The following EDIL3 variants were observed in gnomAD, a reference collection of about 807,000 sequenced individuals.
EDIL3 encodes EGF like and discoidin domains 3.
EDIL3 carries 37 observed loss-of-function variants against 67.4 expected under a neutral mutation model. That is an observed-to-expected ratio of 0.55 (90% confidence interval 0.42 to 0.72). The LOEUF is 0.72. Among genes scored for constraint, EDIL3 ranks in the 30% least tolerant of loss-of-function variants. The pLI, the probability that EDIL3 is intolerant of heterozygous loss-of-function variation, is 0.00. For missense variants in EDIL3, 527 were observed against 586.3 expected (o/e 0.90, Z 1.04); for synonymous variants, 195 against 196.3 (o/e 0.99, Z 0.05).
At chr5:84,360,090 T>G (rs1207262771) in intron 1 of EDIL3, among the ~76,000 whole-genome samples, 2 of 152,310 alleles carry the variant, frequency 1.3e-5, no homozygotes, top group South Asian at 2.1e-4. Flanking sequence ...ACTTAAAGAT[T>G]AAACTACTAC....
intron 1 of EDIL3, among the ~76,000 whole-genome samples, chr5:84,273,486 G>A (rs114774251): frequency 9.0e-4 from 137 of 152,242 alleles, no homozygotes; most frequent in Middle Eastern, 6.8e-3. Context: ...TAATAACAGC[G>A]TCTGCCTGAT....
At chr5:84,166,513 C>T (rs1748706682) in intron 4 of EDIL3, among the ~76,000 whole-genome samples, 1 of 152,104 alleles carries the variant, frequency 6.6e-6, no homozygotes, top group Non-Finnish European at 1.5e-5. Context: ...TTATCAAGCA[C>T]CTATGATGAG....
chr5:83,990,452 A>C, intron 9 of EDIL3, among the ~76,000 whole-genome samples: 1 of 147,574 alleles, frequency 6.8e-6, no homozygotes, highest in Middle Eastern at 3.7e-3. Flanking sequence ...GGGCCACTGC[A>C]CTCCAGTCTG....
At chr5:84,336,308 T>G (rs1175024326) in intron 1 of EDIL3, among the ~76,000 whole-genome samples, 1 of 152,058 alleles carries the variant, frequency 6.6e-6, no homozygotes, top group Admixed American at 6.6e-5. Context: ...ACTGCAAAGG[T>G]AAATGTGGAT....
At chr5:84,245,966 T>A (rs1744902952) in intron 2 of EDIL3, among the ~76,000 whole-genome samples, 1 of 151,978 alleles carries the variant, frequency 6.6e-6, no homozygotes, top group South Asian at 2.1e-4. Context: ...TTTACCTTTT[T>A]ACTCCTTATA....
chr5:84,001,490 T>C (rs902184409), intron 9 of EDIL3, among the ~76,000 whole-genome samples: 25 of 151,458 alleles, frequency 1.7e-4, no homozygotes, highest in African/African-American at 5.3e-4. Flanking sequence ...AAAAAATCAA[T>C]GAAACAAAAA....
Position 84,279,951 on chromosome 5 carries a change from A to G in EDIL3, c.68-25739T>C, listed in dbSNP as rs1341647296. 2.6e-5 allele frequency among the ~76,000 whole-genome samples: 4 copies of G among 152,162 alleles called. No individual in the cohort carries two copies. In the East Asian group the frequency reaches 7.7e-4, roughly 29 times the overall value. On this transcript the variant is annotated intron_variant, in intron 1 of 10. Transcript: ENST00000296591. ...GCCGCTATTTAATGTACCACTGCTC[A>G]TGAATTGATGCTGTCCAGTTTTCAC... is the stretch of plus-strand genomic sequence containing the variant.
chr5:84,232,703 G>T (rs1200743964), intron 2 of EDIL3, among the ~76,000 whole-genome samples: 2 of 152,092 alleles, frequency 1.3e-5, no homozygotes, highest in African/African-American at 2.4e-5. Flanking sequence ...CTTGATATGG[G>T]TAGATGTCAT....
At chr5:84,048,376 T>G in intron 9 of EDIL3, 1 of 269,620 alleles carries the variant, frequency 3.7e-6, no homozygotes, top group Non-Finnish European at 7.6e-6. Flanking sequence ...TGGACTAAAT[T>G]AAATAAGGCT....
intron 9 of EDIL3, among the ~76,000 whole-genome samples, chr5:84,050,888 C>T (rs557125459): frequency 9.2e-5 from 14 of 152,220 alleles, no homozygotes; most frequent in Non-Finnish European, 1.5e-5. Context: ...CCTCTGGGGG[C>T]AGGGCATAGC....
chr5:84,208,002 C>T (rs1449049224), intron 3 of EDIL3, among the ~76,000 whole-genome samples: 1 of 151,742 alleles, frequency 6.6e-6, no homozygotes, highest in Non-Finnish European at 1.5e-5. Context: ...GACTTCATGT[C>T]TAAAACACCA....
chr5:84,073,113 A>C (rs1049537592), intron 6 of EDIL3, among the ~76,000 whole-genome samples: 17 of 152,218 alleles, frequency 1.1e-4, no homozygotes, highest in Non-Finnish European at 2.4e-4. Context: ...TTATCTCAAT[A>C]GATGCAGAAA....
At chr5:84,091,034 T>C (rs1317308784) in intron 6 of EDIL3, among the ~76,000 whole-genome samples, 1 of 152,016 alleles carries the variant, frequency 6.6e-6, no homozygotes. Context: ...AATCCAAGAC[T>C]GCCCCACAGT....
intron 2 of EDIL3, among the ~76,000 whole-genome samples, chr5:84,232,521 A>G (rs754002806): frequency 1.3e-5 from 2 of 152,204 alleles, no homozygotes; most frequent in Non-Finnish European, 2.9e-5. Flanking sequence ...AGTAAGAGTC[A>G]TAGTAATCAG....
At chr5:84,177,123 C>CA (rs1188748987) in intron 4 of EDIL3, among the ~76,000 whole-genome samples, 1 of 152,086 alleles carries the variant, frequency 6.6e-6, no homozygotes, top group Non-Finnish European at 1.5e-5. Context: ...TATGTCCACA[C>CA]AAAAACCTGC....
intron 1 of EDIL3, among the ~76,000 whole-genome samples, chr5:84,382,479 C>G (rs1748101330): frequency 6.6e-6 from 1 of 152,248 alleles, no homozygotes; most frequent in African/African-American, 2.4e-5. Flanking sequence ...TACCCCGCGC[C>G]GCCCTCCACC....
At chr5:84,093,054 C>T (rs1747195196) in intron 6 of EDIL3, among the ~76,000 whole-genome samples, 1 of 152,136 alleles carries the variant, frequency 6.6e-6, no homozygotes, top group Non-Finnish European at 1.5e-5. Context: ...ACATGTGGTA[C>T]CAATGGATCA....
At chr5:84,235,203 C>G (rs1744656623) in intron 2 of EDIL3, among the ~76,000 whole-genome samples, 1 of 152,110 alleles carries the variant, frequency 6.6e-6, no homozygotes. Context: ...TTAAAGGTTG[C>G]TATTACTAAC....
At chr5:84,050,658 G>A (rs989312932) in intron 9 of EDIL3, among the ~76,000 whole-genome samples, 4 of 152,230 alleles carry the variant, frequency 2.6e-5, no homozygotes, top group Non-Finnish European at 5.9e-5. Context: ...GGCACACCAG[G>A]AGATTATATC....
Sources: allele counts gnomAD v4.1 joint callset (sites outside exome capture counted in the v4.1 genomes callset), GRCh38; gene constraint gnomAD v4.1.1; transcripts MANE v1.5; gene names NCBI Gene and HGNC (gene_info 2026-07-23, HGNC 2026-07-21).